Variants in AGAP1 observed in about 807,000 individuals in gnomAD.
The protein encoded by AGAP1 is ArfGAP with GTPase domain, ankyrin repeat and PH domain 1.
Under a neutral mutation model 105.3 loss-of-function variants are expected in AGAP1, and 29 were observed. The observed-to-expected ratio is 0.28, with a 90% CI of 0.21 to 0.38. The LOEUF (loss-of-function observed/expected upper bound fraction) is 0.38, where lower values mean the gene tolerates loss of function less well. AGAP1 is among the 10% of genes least tolerant of loss of function. The probability of loss-of-function intolerance (pLI) is 1.00; values close to 1 mark genes in which losing one functional copy is unlikely to be tolerated. For missense variants in AGAP1, 998 were observed against 1,165.1 expected (o/e 0.86, Z 2.09); for synonymous variants, 509 against 485.9 (o/e 1.05, Z -0.63).
rs571184153 is a variant in AGAP1 at position 235,721,921 on chromosome 2, A to T, written c.310+4277A>T. 2.0e-5 allele frequency among the ~76,000 whole-genome samples: 3 copies of T among 152,314 alleles called. No individual in the cohort carries two copies. The South Asian group carries it at 6.2e-4, about 32-fold the overall frequency. On this transcript the variant is annotated intron_variant, in intron 3 of 17. Coordinates refer to ENST00000304032, the MANE Select transcript of AGAP1 (RefSeq NM_001037131.3). The surrounding 1 kb of genome is among the most constrained non-coding windows in gnomAD (Gnocchi z 4.5). ...CCCAGAGGGTAACATCTGCTGTCTTAATTGTGTGATGCATTTTGGTTGATA... is the reference window on the plus strand; with the variant it reads ...CCCAGAGGGTAACATCTGCTGTCTTTATTGTGTGATGCATTTTGGTTGATA...
rs556476859 is a variant in AGAP1, at chr2:235,874,751, G to T, written c.1051-8594G>T. Among the ~76,000 whole-genome samples, 1 of 152,182 alleles carries T rather than the reference G, an allele frequency of 6.6e-6. No individual in the cohort carries two copies. The highest frequency in any genetic ancestry group is 1.5e-5 in the Non-Finnish European group (1 of 68,026). On this transcript the variant is annotated intron_variant, in intron 9 of 17. Coordinates refer to ENST00000304032, the MANE Select transcript of AGAP1 (RefSeq NM_001037131.3). This position sits in a 1 kb window ranked among gnomAD's most constrained non-coding sequence, Gnocchi z 4.5. The stretch of plus-strand genomic sequence containing the variant: ...TGAATGTGAAAGAGAAGGCACTCAT[G>T]TATAGAACTCATTACAAAGATAGCA...
intron 13 of AGAP1, among the ~76,000 whole-genome samples, chr2:235,980,799 A>C (rs764479199): frequency 1.3e-5 from 2 of 152,230 alleles, no homozygotes; most frequent in African/African-American, 2.4e-5. Context: ...CCCTGTGCCC[A>C]AAAGACTTTC....
chr2:235,796,240 T>A (rs1210545089), intron 6 of AGAP1, among the ~76,000 whole-genome samples: 1 of 152,238 alleles, frequency 6.6e-6, no homozygotes. Flanking sequence ...TAATTTACTT[T>A]TGGTTTTTGC....
rs535080355 is a variant in AGAP1 at position 235,517,833 on chromosome 2, A to T, written c.163+22984A>T. 1.0e-3 allele frequency among the ~76,000 whole-genome samples: 151 copies of T among 149,890 alleles called. No homozygotes were observed. The highest frequency in any genetic ancestry group is 1.9e-3 in the Admixed American group (29 of 14,978). ...GTGCCTGTAACCCCAGCTACACGGG[A>T]GGCTGAGGCAGGAGAATCTCTTGAA... On this transcript the variant is annotated intron_variant, in intron 1 of 17. Coordinates refer to ENST00000304032, the MANE Select transcript of AGAP1 (RefSeq NM_001037131.3). This position sits in a 1 kb window ranked among gnomAD's most constrained non-coding sequence, Gnocchi z 4.1.
chr2:236,122,079 G>A (rs1368112284), intron 17 of AGAP1, among the ~76,000 whole-genome samples: 1 of 146,860 alleles, frequency 6.8e-6, no homozygotes, highest in Non-Finnish European at 1.5e-5. Context: ...AGCCTCCCAA[G>A]TAATTGGGAC....
chr2:236,076,642 G>A lies in AGAP1; in HGVS notation c.2114+27361G>A, dbSNP rs957980677. The stretch of plus-strand genomic sequence containing the variant: ...TTTCTGGAAAATGAGTTGTGTTTGA[G>A]AACTGGATTAAACAAAATTACAGAG... On this transcript the variant is annotated intron_variant, in intron 16 of 17. Transcript: ENST00000304032. The surrounding 1 kb of genome is among the most constrained non-coding windows in gnomAD (Gnocchi z 4.4). Among the ~76,000 whole-genome samples the A allele has an allele frequency of 3.3e-5, 5 of 152,086 alleles. No homozygotes were observed. The highest frequency in any genetic ancestry group is 2.1e-4 in the South Asian group (1 of 4,820).
intron 8 of AGAP1, among the ~76,000 whole-genome samples, chr2:235,805,554 A>C (rs908722127): frequency 1.8e-4 from 27 of 152,346 alleles, no homozygotes; most frequent in African/African-American, 6.5e-4. Flanking sequence ...TAATTAAAAA[A>C]AAATTTTTTT....
intron 11 of AGAP1, among the ~76,000 whole-genome samples, chr2:235,926,645 T>C (rs1004604830): frequency 6.6e-6 from 1 of 152,244 alleles, no homozygotes; most frequent in Admixed American, 6.5e-5. Flanking sequence ...ATCTCAAATA[T>C]AGTGAATGGG....
intron 1 of AGAP1, among the ~76,000 whole-genome samples, chr2:235,541,589 C>T (rs1048784754): frequency 4.6e-5 from 7 of 151,348 alleles, no homozygotes; most frequent in Non-Finnish European, 7.4e-5. Context: ...CAGGGTTTCA[C>T]TGTGTTAGCC....
rs2051284260 is a variant in AGAP1, at chr2:235,905,945, G to T, written c.1156-2793G>T. Among the ~76,000 whole-genome samples the T allele has an allele frequency of 6.6e-6, 1 of 152,166 alleles. No homozygotes were observed. Among genetic ancestry groups the T allele is most frequent in the South Asian group, 2.1e-4 (1 of 4,818 alleles). On this transcript the variant is annotated intron_variant, in intron 10 of 17. Transcript: ENST00000304032. The surrounding 1 kb of genome is among the most constrained non-coding windows in gnomAD (Gnocchi z 4.2). ...TGTCTTTGGTCTACATCCTCTCAAA[G>T]TTGATTATGTTTTGTGGAGTCCAGC...
chr2:235,692,758 C>T lies in AGAP1; in HGVS notation c.164-16421C>T, dbSNP rs1394053848. 6.6e-6 allele frequency among the ~76,000 whole-genome samples: 1 copy of T among 152,214 alleles called. No individual in the cohort carries two copies. The highest frequency in any genetic ancestry group is 1.5e-5 in the Non-Finnish European group (1 of 68,042). On this transcript the variant is annotated intron_variant, in intron 1 of 17. Coordinates refer to ENST00000304032, the MANE Select transcript of AGAP1 (RefSeq NM_001037131.3). The surrounding 1 kb of genome is among the most constrained non-coding windows in gnomAD (Gnocchi z 5.8). ...CGTGTGTCCTGCATGGCATTTGTTA[C>T]AGCCCGCAGTCACAGGTCTTGCGGT...
rs1385343279 is a variant in AGAP1 at position 235,787,408 on chromosome 2, CTT to C, written c.674-10349_674-10348del. On this transcript the variant is annotated intron_variant, in intron 6 of 17. Transcript: ENST00000304032. This position sits in a 1 kb window ranked among gnomAD's most constrained non-coding sequence, Gnocchi z 4.4. Reference sequence around the variant, plus strand: ...ATTTCCCCCTTGCAGATTATTCCTTCTTTGTCTGCATCATAGACACACGCCTC... The same window carrying C: ...ATTTCCCCCTTGCAGATTATTCCTTCTGTCTGCATCATAGACACACGCCTC... 2.0e-5 allele frequency among the ~76,000 whole-genome samples: 3 copies of C among 152,154 alleles called. No individual in the cohort carries two copies. Among genetic ancestry groups the C allele is most frequent in the Non-Finnish European group, 4.4e-5 (3 of 68,036 alleles).
intron 1 of AGAP1, among the ~76,000 whole-genome samples, chr2:235,558,456 G>C (rs2149130216): frequency 6.6e-6 from 1 of 152,226 alleles, no homozygotes; most frequent in East Asian, 1.9e-4. Flanking sequence ...TTTGAAATCT[G>C]ACCTCTCAAG....
chr2:235,605,645 G>T (rs1357822376), intron 1 of AGAP1, among the ~76,000 whole-genome samples: 1 of 152,236 alleles, frequency 6.6e-6, no homozygotes, highest in African/African-American at 2.4e-5. Flanking sequence ...TGCAGGCACA[G>T]AAAAATTTAA....
rs981487543 is a variant in AGAP1 at position 236,012,225 on chromosome 2, A to G, written c.1646-24336A>G. Among the ~76,000 whole-genome samples the G allele has an allele frequency of 3.3e-5, 5 of 152,124 alleles. No individual in the cohort carries two copies. The highest frequency in any genetic ancestry group is 1.2e-4 in the African/African-American group (5 of 41,436). On this transcript the variant is annotated intron_variant, in intron 13 of 17. Coordinates refer to ENST00000304032, the MANE Select transcript of AGAP1 (RefSeq NM_001037131.3). The surrounding 1 kb of genome is among the most constrained non-coding windows in gnomAD (Gnocchi z 4.9). ...TGTGGTAATGGGAGAGCAGAGTGTG[A>G]AAAATGGAAGGCATAAAGCGGGCGA...
rs748426171 is a variant in AGAP1, at chr2:236,014,793, C to G, written c.1646-21768C>G. On this transcript the variant is annotated intron_variant, in intron 13 of 17. Transcript: ENST00000304032. The surrounding 1 kb of genome is among the most constrained non-coding windows in gnomAD (Gnocchi z 6.3). Reference sequence around the variant, plus strand: ...CTTTTTCCCCTCTCCCCTTTCTGCTCTCGGGATGCAGCCAAACGCAAAGCA... The same window carrying G: ...CTTTTTCCCCTCTCCCCTTTCTGCTGTCGGGATGCAGCCAAACGCAAAGCA... 9.0e-6 allele frequency: 4 copies of G among 445,978 alleles called. No individual in the cohort carries two copies. Among genetic ancestry groups the G allele is most frequent in the Admixed American group, 2.7e-5 (1 of 36,892 alleles). The allele number at this position is 445,978 out of a possible 1,614,324, so 27.6% of individuals were successfully genotyped here. A position where few individuals can be genotyped will look rare whatever the true frequency, so the allele number is the denominator to read the frequency against.
intron 1 of AGAP1, among the ~76,000 whole-genome samples, chr2:235,638,650 TAGG>T (rs1372265367): frequency 2.7e-5 from 4 of 146,592 alleles, no homozygotes; most frequent in Admixed American, 2.7e-4. Flanking sequence ...TCCCAATTAG[TAGG>T]AGAACTAGGA....
In AGAP1 at chr2:235,555,138, A is replaced by G. The variant is rs974428617; in HGVS notation, c.163+60289A>G. Among the ~76,000 whole-genome samples the G allele has an allele frequency of 5.9e-5, 9 of 152,142 alleles. No homozygotes were observed. The highest frequency in any genetic ancestry group is 1.3e-4 in the Non-Finnish European group (9 of 68,026). On this transcript the variant is annotated intron_variant, in intron 1 of 17. Coordinates refer to ENST00000304032, the MANE Select transcript of AGAP1 (RefSeq NM_001037131.3). This position sits in a 1 kb window ranked among gnomAD's most constrained non-coding sequence, Gnocchi z 5.1. ...CCTGGATGCTCCTAGGCAGAGGCACAGGGGTTGCTGATTCTTCTTTCCAGA... is the reference window on the plus strand; with the variant it reads ...CCTGGATGCTCCTAGGCAGAGGCACGGGGGTTGCTGATTCTTCTTTCCAGA...
rs1047797036 is a variant in AGAP1, at chr2:235,574,636, C to T, written c.163+79787C>T. 1.1e-4 allele frequency among the ~76,000 whole-genome samples: 16 copies of T among 152,028 alleles called. No individual in the cohort carries two copies. The highest frequency in any genetic ancestry group is 2.1e-4 in the South Asian group (1 of 4,818). On this transcript the variant is annotated intron_variant, in intron 1 of 17. Coordinates refer to ENST00000304032, the MANE Select transcript of AGAP1 (RefSeq NM_001037131.3). This position sits in a 1 kb window ranked among gnomAD's most constrained non-coding sequence, Gnocchi z 5.0. The stretch of plus-strand genomic sequence containing the variant: ...CTTTTAGGTCCTTTTTGGTTCTGTG[C>T]GACAGTTAATGAATAGTCATGTGCA...
Sources: gnomAD v4.1 joint callset for allele counts (sites outside exome capture counted in the v4.1 genomes callset) on GRCh38, gnomAD v4.1.1 for gene constraint, Gnocchi (gnomAD v3.1) non-coding constraint, MANE v1.5 for transcripts, NCBI Gene and HGNC (gene_info 2026-07-23, HGNC 2026-07-21) for gene names.